Variants in SORCS2 observed in about 807,000 individuals in gnomAD.
SORCS2 encodes VPS10 domain-containing receptor SorCS2.
A neutral mutation model predicts 141.6 loss-of-function variants in SORCS2; 100 were observed. The observed-to-expected ratio is 0.71, with a 90% confidence interval of 0.60 to 0.83. The LOEUF is 0.83. Ranked by LOEUF, SORCS2 falls within the 40% of genes least tolerant of loss-of-function variation. The pLI is 0.00. For missense variants in SORCS2, 1,646 were observed against 1,560.2 expected (o/e 1.05, Z -0.93); for synonymous variants, 789 against 676.9 (o/e 1.17, Z -2.57).
At chr4:7,640,379 TGA>T (rs1224740437) in intron 4 of SORCS2, among the ~76,000 whole-genome samples, 1 of 145,248 alleles carries the variant, frequency 6.9e-6, no homozygotes, top group African/African-American at 2.7e-5. Context: ...TGAATGTACA[TGA>T]GTGTGTGGGT....
At chr4:7,262,549 A>C (rs1714432630) in intron 1 of SORCS2, among the ~76,000 whole-genome samples, 2 of 152,244 alleles carry the variant, frequency 1.3e-5, no homozygotes, top group Admixed American at 1.3e-4. Context: ...GATGAGAAGC[A>C]AATCAACAAA....
intron 1 of SORCS2, among the ~76,000 whole-genome samples, chr4:7,287,413 G>C (rs1171474237): frequency 1.3e-5 from 2 of 152,264 alleles, no homozygotes; most frequent in African/African-American, 2.4e-5. Context: ...GCCAGGAATG[G>C]AAACCGTTCC....
intron 14 of SORCS2, among the ~76,000 whole-genome samples, chr4:7,709,465 G>T (rs1040577224): frequency 6.6e-6 from 1 of 152,230 alleles, no homozygotes; most frequent in Non-Finnish European, 1.5e-5. Flanking sequence ...TCACAGCCAG[G>T]TGCTATAACC....
chr4:7,568,204 C>T (rs570051337), intron 3 of SORCS2, among the ~76,000 whole-genome samples: 162 of 152,294 alleles, frequency 1.1e-3, no homozygotes, highest in African/African-American at 3.6e-3. Context: ...CAGTGCCCTT[C>T]GTGGCTCAAA....
chr4:7,691,165 G>A (rs540000802), intron 11 of SORCS2, among the ~76,000 whole-genome samples: 1 of 152,348 alleles, frequency 6.6e-6, no homozygotes, highest in South Asian at 2.1e-4. Flanking sequence ...CAGAGGGGGT[G>A]GCTGTGTGGC....
intron 9 of SORCS2, among the ~76,000 whole-genome samples, chr4:7,678,390 C>T (rs1456306525): frequency 6.7e-6 from 1 of 149,704 alleles, no homozygotes; most frequent in Non-Finnish European, 1.5e-5. Flanking sequence ...TCTCTGAAAA[C>T]CATCAAACAT....
chr4:7,436,189 T>A (rs1035656889), intron 2 of SORCS2, among the ~76,000 whole-genome samples: 2 of 152,136 alleles, frequency 1.3e-5, no homozygotes, highest in Non-Finnish European at 2.9e-5. Flanking sequence ...CTGGGTGTGC[T>A]CAGCTGCAGG....
intron 3 of SORCS2, among the ~76,000 whole-genome samples, chr4:7,612,515 T>C (rs9993709): frequency 0.17 from 25,109 of 152,062 alleles, 2,138 homozygotes; most frequent in Middle Eastern, 0.25. Flanking sequence ...GTGGCCGGGC[T>C]TGGGCTGGGG....
intron 3 of SORCS2, among the ~76,000 whole-genome samples, chr4:7,583,128 C>T (rs1716271176): frequency 6.6e-6 from 1 of 152,174 alleles, no homozygotes; most frequent in African/African-American, 2.4e-5. Flanking sequence ...GGACAGCAGC[C>T]ACCTCTGTGG....
intron 2 of SORCS2, among the ~76,000 whole-genome samples, chr4:7,418,929 C>T (rs185864873): frequency 1.3e-5 from 2 of 152,250 alleles, no homozygotes; most frequent in Admixed American, 6.5e-5. Context: ...TGACTCTTAT[C>T]CTCCAGCAGG....
At chr4:7,520,924 C>T (rs1021243129) in intron 2 of SORCS2, among the ~76,000 whole-genome samples, 1 of 152,190 alleles carries the variant, frequency 6.6e-6, no homozygotes, top group South Asian at 2.1e-4. Flanking sequence ...GCCATGCCAC[C>T]CCAACCCCTC....
rs1482167329 is a variant in SORCS2, at chr4:7,692,332, C to T, written c.1591+2744C>T. On this transcript the variant is annotated intron_variant, in intron 11 of 26. Transcript: ENST00000507866. ...CACCCCGCCGTTCATTCCTGAATTC[C>T]ATCCCAGAGGCAGGCAGACAAGAGG... Among the ~76,000 whole-genome samples, 3 of 152,206 alleles carry T rather than the reference C, an allele frequency of 2.0e-5. No homozygotes were observed. In the East Asian group the frequency reaches 5.8e-4, roughly 29 times the overall value.
chr4:7,545,987 G>A (rs1041683711), intron 3 of SORCS2, among the ~76,000 whole-genome samples: 6 of 152,114 alleles, frequency 3.9e-5, no homozygotes, highest in South Asian at 2.1e-4. Context: ...TTATCTTCAC[G>A]TGGCAGAAAA....
intron 18 of SORCS2, among the ~76,000 whole-genome samples, chr4:7,722,697 C>G (rs1403445187): frequency 6.6e-6 from 1 of 152,232 alleles, no homozygotes; most frequent in Non-Finnish European, 1.5e-5. Context: ...TGTAAAGACC[C>G]TATTTCCAAA....
chr4:7,403,975 A>T (rs867820174), intron 2 of SORCS2, among the ~76,000 whole-genome samples: 1 of 44,010 alleles, frequency 2.3e-5, no homozygotes, highest in Admixed American at 3.2e-4. Flanking sequence ...ATATATATAT[A>T]TATATATATA....
At chr4:7,291,247 G>C (rs1035207644) in intron 1 of SORCS2, among the ~76,000 whole-genome samples, 1 of 152,214 alleles carries the variant, frequency 6.6e-6, no homozygotes, top group African/African-American at 2.4e-5. Context: ...TAACTGAACA[G>C]CTGTGGGGGG....
intron 1 of SORCS2, among the ~76,000 whole-genome samples, chr4:7,325,932 G>A (rs1218486477): frequency 2.0e-5 from 3 of 152,174 alleles, no homozygotes; most frequent in African/African-American, 7.2e-5. Flanking sequence ...GGTACAGGGG[G>A]AGCCAAGAGA....
chr4:7,736,248 C>G (rs1017533391), intron 25 of SORCS2, among the ~76,000 whole-genome samples: 4 of 152,266 alleles, frequency 2.6e-5, no homozygotes, highest in African/African-American at 9.6e-5. Flanking sequence ...TCTCTCAAGG[C>G]TCTAGACTGA....
intron 3 of SORCS2, among the ~76,000 whole-genome samples, chr4:7,575,953 A>C (rs908102746): frequency 6.6e-6 from 1 of 152,202 alleles, no homozygotes; most frequent in East Asian, 1.9e-4. Flanking sequence ...CATAATTAAG[A>C]AATTAGTTTT....
Sources: gnomAD v4.1 joint callset for allele counts (sites outside exome capture counted in the v4.1 genomes callset) on GRCh38, gnomAD v4.1.1 for gene constraint, MANE v1.5 for transcripts, NCBI Gene and HGNC (gene_info 2026-07-23, HGNC 2026-07-21) for gene names.